Variants in SASH1 observed in about 807,000 individuals in gnomAD.
SASH1 encodes the protein SAM and SH3 domain-containing protein 1.
A neutral mutation model predicts 125.2 loss-of-function variants in SASH1; 44 were observed. That is an observed-to-expected ratio of 0.35 (90% confidence interval 0.28 to 0.45). The LOEUF (loss-of-function observed/expected upper bound fraction) is 0.45, where lower values mean the gene tolerates loss of function less well. Ranked by LOEUF, SASH1 falls within the 20% of genes least tolerant of loss-of-function variation. SASH1 has a pLI of 1.00. For synonymous variants in SASH1, 639 were observed against 649.1 expected (o/e 0.98, Z 0.24); for missense variants, 1,426 against 1,614.5 (o/e 0.88, Z 2.00).
intron 1 of SASH1, among the ~76,000 whole-genome samples, chr6:148,289,935 T>G (rs1047124085): frequency 5.0e-5 from 7 of 140,750 alleles, no homozygotes; most frequent in Non-Finnish European, 9.1e-5. Context: ...TGGCACAGTC[T>G]CAGCTCACTA....
chr6:148,516,490 GCC>G (rs1780445168), intron 9 of SASH1, among the ~76,000 whole-genome samples: 1 of 114,272 alleles, frequency 8.8e-6, no homozygotes, highest in Admixed American at 8.9e-5. Context: ...GCCAGTAGGC[GCC>G]CCCTCCCCCC....
intron 1 of SASH1, among the ~76,000 whole-genome samples, chr6:148,323,568 C>G (rs1018726784): frequency 4.6e-5 from 7 of 152,134 alleles, no homozygotes; most frequent in African/African-American, 1.7e-4. Context: ...ACTCCATGGC[C>G]CCTCCCTTCA....
At chr6:148,528,037 AG>A (rs1348865617) in intron 12 of SASH1, among the ~76,000 whole-genome samples, 1 of 149,678 alleles carries the variant, frequency 6.7e-6, no homozygotes, top group Non-Finnish European at 1.5e-5. Context: ...AAGTTGTTCT[AG>A]AAGCACATAG....
At position 148,446,206 on chromosome 6, in the gene SASH1, C is replaced by T. The variant is rs369173529; in HGVS notation, c.386+5799C>T. On this transcript the variant is annotated intron_variant, in intron 4 of 19. Transcript: ENST00000367467. ...TCACTGCAAGCTCCGCCTCCCAGGT[C>T]CACGCCATTCTCCTGCCTCAGCCTC... is the stretch of plus-strand genomic sequence containing the variant. Among the ~76,000 whole-genome samples, 9 of 148,796 alleles carry T rather than the reference C, an allele frequency of 6.0e-5. No homozygotes were observed. The East Asian group carries it at 1.2e-3, about 20-fold the overall frequency.
chr6:148,469,596 A>G (rs6570855), intron 5 of SASH1, among the ~76,000 whole-genome samples: 100,169 of 151,946 alleles, frequency 0.66, 33,346 homozygotes, highest in East Asian at 0.78. Context: ...AGGTGGGCAT[A>G]GCACCATGTA....
chr6:148,433,406 CTTTTTTTT>C (rs5880780), intron 2 of SASH1, among the ~76,000 whole-genome samples: 1 of 128,002 alleles, frequency 7.8e-6, no homozygotes, highest in African/African-American at 2.9e-5. Context: ...TTTCTTTTTT[CTTTTTTTT>C]TTTTTTTTTT....
chr6:148,551,648 T>C lies in SASH1; in HGVS notation c.*3090T>C, dbSNP rs1782882183. On this transcript the variant is annotated 3_prime_UTR_variant, in exon 20 of 20. Transcript: ENST00000367467. ...TCAACTTGCCAAGTCACTGCTGCCA[T>C]GTGTGTACTGTATTATTTTCAGAAA... The C allele has an allele frequency of 6.6e-6, 1 of 152,486 alleles. No homozygotes were observed. Among genetic ancestry groups the C allele is most frequent in the South Asian group, 2.1e-4 (1 of 4,830 alleles). 9.4% of individuals were successfully genotyped at this position (152,486 alleles called of 1,614,324 possible).
At chr6:148,395,860 A>G (rs1475592150) in intron 2 of SASH1, among the ~76,000 whole-genome samples, 1 of 152,224 alleles carries the variant, frequency 6.6e-6, no homozygotes, top group Non-Finnish European at 1.5e-5. Flanking sequence ...TGGTCAGGAA[A>G]GTACTCAAGG....
At chr6:148,463,453 T>C (rs555872114) in intron 4 of SASH1, among the ~76,000 whole-genome samples, 1 of 152,102 alleles carries the variant, frequency 6.6e-6, no homozygotes, top group Non-Finnish European at 1.5e-5. Flanking sequence ...CGATATAATT[T>C]TTGTAAAACG....
At chr6:148,417,467 C>T (rs1033817508) in intron 2 of SASH1, among the ~76,000 whole-genome samples, 1 of 152,126 alleles carries the variant, frequency 6.6e-6, no homozygotes, top group Non-Finnish European at 1.5e-5. Context: ...CACCTGTAGT[C>T]CCAGCTACTC....
chr6:148,526,325 G>T (rs1781159052), intron 11 of SASH1, among the ~76,000 whole-genome samples: 1 of 152,090 alleles, frequency 6.6e-6, no homozygotes, highest in African/African-American at 2.4e-5. Context: ...GCCTCCCAGA[G>T]TGCTGGGATT....
chr6:148,300,578 A>G (rs748065429), intron 1 of SASH1, among the ~76,000 whole-genome samples: 1 of 151,004 alleles, frequency 6.6e-6, no homozygotes, highest in Non-Finnish European at 1.5e-5. Context: ...CCTCCCCAGT[A>G]GCTGGAATTA....
At chr6:148,517,078 T>A (rs1168227497) in intron 9 of SASH1, among the ~76,000 whole-genome samples, 1 of 152,210 alleles carries the variant, frequency 6.6e-6, no homozygotes, top group African/African-American at 2.4e-5. Context: ...TCTCCAGTAA[T>A]GAATCGCCAG....
Position 148,533,093 on chromosome 6 carries a change from G to A in SASH1, c.1734+127G>A, listed in dbSNP as rs774471322. The A allele has an allele frequency of 2.2e-5, 22 of 1,016,766 alleles. No individual in the cohort carries two copies. The highest frequency in any genetic ancestry group is 2.5e-4 in the Middle Eastern group (1 of 4,032). The allele number at this position is 1,016,766 out of a possible 1,614,324, so 63.0% of individuals were successfully genotyped here. Reference sequence around the variant, plus strand: ...GACTGGACAGTATCTTGGCTACCTCGATCACTGGTCTCCTCTGTAGTGAAA... The same window carrying A: ...GACTGGACAGTATCTTGGCTACCTCAATCACTGGTCTCCTCTGTAGTGAAA... On this transcript the variant is annotated intron_variant, in intron 14 of 19. Transcript: ENST00000367467. This position sits in a 1 kb window ranked among gnomAD's most constrained non-coding sequence, Gnocchi z 6.2.
intron 1 of SASH1, among the ~76,000 whole-genome samples, chr6:148,354,095 G>A (rs866741801): frequency 2.0e-5 from 3 of 152,134 alleles, no homozygotes; most frequent in African/African-American, 7.2e-5. Flanking sequence ...AGCCCATGAG[G>A]TCAAGGCTTC....
intron 1 of SASH1, among the ~76,000 whole-genome samples, chr6:148,302,311 CAAAAAAA>C (rs1174644909): frequency 0.011 from 508 of 44,858 alleles, 10 homozygotes; most frequent in Middle Eastern, 0.019. Flanking sequence ...GACTCCGTCT[CAAAAAAA>C]AAAAAAAAAA....
chr6:148,423,390 A>G (rs898987950), intron 2 of SASH1, among the ~76,000 whole-genome samples: 1 of 152,256 alleles, frequency 6.6e-6, no homozygotes, highest in Non-Finnish European at 1.5e-5. Flanking sequence ...ATATTTAAAG[A>G]TGGTTAGAAA....
intron 1 of SASH1, among the ~76,000 whole-genome samples, chr6:148,366,068 G>A (rs1299244569): frequency 6.6e-6 from 1 of 151,864 alleles, no homozygotes; most frequent in African/African-American, 2.4e-5. Flanking sequence ...AGCCGAGGTG[G>A]CACCACTGCA....
intron 2 of SASH1, among the ~76,000 whole-genome samples, chr6:148,426,192 A>G (rs1303046821): frequency 1.3e-5 from 2 of 152,096 alleles, no homozygotes; most frequent in East Asian, 3.9e-4. Context: ...AGCCTGGGCA[A>G]CAACAGTGAA....
Sources: gnomAD v4.1 joint callset for allele counts (sites outside exome capture counted in the v4.1 genomes callset) on GRCh38, gnomAD v4.1.1 for gene constraint, Gnocchi (gnomAD v3.1) non-coding constraint, MANE v1.5 for transcripts, NCBI Gene and HGNC (gene_info 2026-07-23, HGNC 2026-07-21) for gene names.